Variants in MYO1E observed in about 807,000 individuals in gnomAD.
MYO1E encodes the protein unconventional myosin-Ie.
MYO1E carries 68 observed loss-of-function variants against 151.1 expected under a neutral mutation model. That is an observed-to-expected ratio of 0.45 (90% CI 0.37 to 0.55). MYO1E has a LOEUF of 0.55. Ranked by LOEUF, MYO1E falls within the 20% of genes least tolerant of loss-of-function variation. The pLI is 0.00. For missense variants in MYO1E, 1,363 were observed against 1,389.3 expected (o/e 0.98, Z 0.30); for synonymous variants, 601 against 501.7 (o/e 1.20, Z -2.64).
intron 1 of MYO1E, among the ~76,000 whole-genome samples, chr15:59,317,993 C>T (rs77962132): frequency 7.4e-4 from 112 of 152,250 alleles, no homozygotes; most frequent in African/African-American, 2.5e-3. Context: ...AGAATTCAAA[C>T]GCATTCAGCC....
At chr15:59,188,346 G>A (rs539074539) in intron 17 of MYO1E, 130 bp from the exon 18 acceptor site, 2 of 748,946 alleles carry the variant, frequency 2.7e-6, no homozygotes, top group African/African-American at 3.5e-5. Flanking sequence ...AATTTATAGT[G>A]TTCAAACACT....
At chr15:59,171,597 T>C (rs1393560352) in intron 22 of MYO1E, among the ~76,000 whole-genome samples, 3 of 152,192 alleles carry the variant, frequency 2.0e-5, no homozygotes, top group African/African-American at 7.2e-5. Context: ...GAAATTATTC[T>C]CTGAGGTGTT....
At chr15:59,236,762 A>AAACG in intron 4 of MYO1E, 90 bp from the exon 5 acceptor site, 1 of 1,204,078 alleles carries the variant, frequency 8.3e-7, no homozygotes, top group Admixed American at 1.8e-5. Flanking sequence ...ACAAACAAAC[A>AAACG]AACAAAAAAA....
intron 9 of MYO1E, among the ~76,000 whole-genome samples, chr15:59,219,492 T>G (rs1247326904): frequency 2.0e-5 from 3 of 152,214 alleles, no homozygotes; most frequent in African/African-American, 7.2e-5. Flanking sequence ...CAGATGGTGT[T>G]AGAATATAAC....
intron 1 of MYO1E, among the ~76,000 whole-genome samples, chr15:59,308,047 T>C (rs1156347727): frequency 6.8e-6 from 1 of 147,376 alleles, no homozygotes; most frequent in South Asian, 2.1e-4. Context: ...TGAAACCCTG[T>C]CTCTATTAAA....
chr15:59,272,386 C>T lies in MYO1E; in HGVS notation c.67G>A (p.Asp23Asn), dbSNP rs1249654396. 1.5e-5 allele frequency: 24 copies of T among 1,613,842 alleles called. No homozygotes were observed. Among genetic ancestry groups the T allele is most frequent in the East Asian group, 6.7e-5 (3 of 44,904 alleles). ...GTGATCTTGGACAGTAGCACCATGT[C>T]GTCCACACCACTGTGCTTGACATTG... is the stretch of plus-strand genomic sequence containing the variant. ...SHNVKHSGVD[D>N]MVLLSKITEN... Residue 23 changes from aspartate (D) to asparagine (N), a missense_variant, in exon 2 of 28, where the codon GAC (aspartate) becomes AAC (asparagine). By Grantham distance (23) the Asp-to-Asn change is conservative (BLOSUM62 1). Transcript: ENST00000288235.
chr15:59,160,664 C>T (rs1389454685), intron 24 of MYO1E, among the ~76,000 whole-genome samples: 3 of 151,938 alleles, frequency 2.0e-5, no homozygotes, highest in Non-Finnish European at 2.9e-5. Flanking sequence ...AGCGATCGTC[C>T]GGCCTTGGCC....
At chr15:59,188,264 C>T (rs1191791565) in intron 17 of MYO1E, 48 bp from the exon 18 acceptor site, 1 of 1,482,762 alleles carries the variant, frequency 6.7e-7, no homozygotes. Context: ...ATAATCCTTT[C>T]ACTCGTGTTC....
intron 19 of MYO1E, among the ~76,000 whole-genome samples, chr15:59,176,788 T>C (rs2079627741): frequency 1.3e-5 from 2 of 152,144 alleles, no homozygotes; most frequent in African/African-American, 4.8e-5. Flanking sequence ...GTGAAAGTAT[T>C]TGCATGTCAG....
chr15:59,339,327 T>A (rs767172260), intron 1 of MYO1E, among the ~76,000 whole-genome samples: 4 of 152,220 alleles, frequency 2.6e-5, no homozygotes, highest in Non-Finnish European at 5.9e-5. Flanking sequence ...TGTTTTCCTG[T>A]TCCTGGTTTT....
intron 22 of MYO1E, chr15:59,171,270 CGGA>C (rs1436235275): frequency 6.2e-6 from 1 of 160,912 alleles, no homozygotes; most frequent in East Asian, 1.9e-4. Flanking sequence ...GTCCCACTGA[CGGA>C]GGAGATGCTG....
At chr15:59,168,743 C>T (rs2079575543) in intron 22 of MYO1E, among the ~76,000 whole-genome samples, 1 of 152,098 alleles carries the variant, frequency 6.6e-6, no homozygotes. Flanking sequence ...ACCTCAGCTT[C>T]CTGAGTAGCT....
chr15:59,145,644 G>A (rs2079436946), intron 26 of MYO1E, among the ~76,000 whole-genome samples: 1 of 151,400 alleles, frequency 6.6e-6, no homozygotes, highest in Non-Finnish European at 1.5e-5. Flanking sequence ...CACCCGCCTT[G>A]GCCTCCCAAA....
intron 2 of MYO1E, among the ~76,000 whole-genome samples, chr15:59,272,037 G>GA (rs765344080): frequency 3.9e-5 from 6 of 152,242 alleles, no homozygotes; most frequent in Non-Finnish European, 7.3e-5. Flanking sequence ...CTGAAACGGT[G>GA]AAAACAATGT....
At chr15:59,314,045 G>C (rs1044249174) in intron 1 of MYO1E, among the ~76,000 whole-genome samples, 3 of 152,226 alleles carry the variant, frequency 2.0e-5, no homozygotes, top group Non-Finnish European at 4.4e-5. Context: ...GGCCTGGGCT[G>C]AGTCTGATGA....
chr15:59,358,285 G>C (rs1215549925), intron 1 of MYO1E, among the ~76,000 whole-genome samples: 2 of 152,136 alleles, frequency 1.3e-5, no homozygotes, highest in African/African-American at 4.8e-5. Flanking sequence ...GGATGAGGAG[G>C]AGGAGAGAGC....
chr15:59,158,155 T>C (rs1007520533), intron 25 of MYO1E, 132 bp downstream of exon 25: 19 of 806,400 alleles, frequency 2.4e-5, no homozygotes, highest in Non-Finnish European at 3.4e-5. Flanking sequence ...GTGTTGTACA[T>C]GTGGCACTGA....
chr15:59,250,971 A>G (rs7172744), intron 4 of MYO1E, among the ~76,000 whole-genome samples: 149,425 of 152,248 alleles, frequency 0.98, 73,392 homozygotes, highest in East Asian at 1. Context: ...CCTCCAGACT[A>G]GCAAGCTCAT....
chr15:59,257,301 A>C (rs757973429), intron 3 of MYO1E, among the ~76,000 whole-genome samples: 8 of 152,178 alleles, frequency 5.3e-5, no homozygotes, highest in Non-Finnish European at 1.0e-4. Flanking sequence ...TAGTCTCCAC[A>C]CACACACACA....
Sources: allele counts gnomAD v4.1 joint callset (sites outside exome capture counted in the v4.1 genomes callset), GRCh38; gene constraint gnomAD v4.1.1; transcripts MANE v1.5; gene names NCBI Gene and HGNC (gene_info 2026-07-23, HGNC 2026-07-21).